Variants in NCALD observed in about 807,000 individuals in gnomAD.
The protein encoded by NCALD is neurocalcin-delta.
In NCALD, 10 loss-of-function variants were observed where a neutral mutation model predicts 18.6. The ratio of observed to expected loss-of-function variants is 0.54; its 90% confidence interval spans 0.33 to 0.91. NCALD has a LOEUF of 0.91. NCALD is among the 40% of genes least tolerant of loss of function. NCALD has a pLI of 0.03. For synonymous variants in NCALD, 88 were observed against 87.4 expected (o/e 1.01, Z -0.04); for missense variants, 184 against 247.6 (o/e 0.74, Z 1.72).
chr8:101,735,964 A>G (rs949470030), intron 1 of NCALD, among the ~76,000 whole-genome samples: 2 of 152,122 alleles, frequency 1.3e-5, no homozygotes, highest in Non-Finnish European at 2.9e-5. Flanking sequence ...TTGATGCTTG[A>G]CTGCTCACAG....
intron 2 of NCALD, among the ~76,000 whole-genome samples, chr8:101,998,213 G>A (rs1821310616): frequency 6.6e-6 from 1 of 152,146 alleles, no homozygotes; most frequent in Non-Finnish European, 1.5e-5. Context: ...GGAATAGCAA[G>A]TCATTTTAAA....
chr8:101,965,979 T>C (rs1290786773), intron 2 of NCALD, among the ~76,000 whole-genome samples: 1 of 152,158 alleles, frequency 6.6e-6, no homozygotes, highest in Admixed American at 6.5e-5. Context: ...ATAAAAGCTT[T>C]TGTATGTTAA....
intron 3 of NCALD, chr8:101,690,784 G>C: frequency 1.0e-6 from 1 of 985,408 alleles, no homozygotes; most frequent in African/African-American, 1.7e-5. Flanking sequence ...TGCCCACATA[G>C]TAGTTACAAT....
intron 1 of NCALD, among the ~76,000 whole-genome samples, chr8:102,022,072 G>C (rs911909005): frequency 6.6e-6 from 1 of 152,284 alleles, no homozygotes; most frequent in East Asian, 1.9e-4. Flanking sequence ...ACTATTTACA[G>C]GGCGTGAACA....
intron 1 of NCALD, among the ~76,000 whole-genome samples, chr8:102,033,306 A>T (rs1270935786): frequency 2.0e-5 from 3 of 152,168 alleles, no homozygotes; most frequent in Non-Finnish European, 2.9e-5. Context: ...TAACTGAGAG[A>T]TAACCTCTTG....
At chr8:102,032,087 T>C (rs548771078) in intron 1 of NCALD, among the ~76,000 whole-genome samples, 1 of 152,298 alleles carries the variant, frequency 6.6e-6, no homozygotes, top group South Asian at 2.1e-4. Flanking sequence ...GATGACCATA[T>C]GAGCTGAGCT....
chr8:101,792,438 A>AT (rs560290243), upstream of NCALD, among the ~76,000 whole-genome samples: 66 of 152,304 alleles, frequency 4.3e-4, 1 homozygote, highest in Middle Eastern at 0.024. Flanking sequence ...TTAAAAAGTT[A>AT]TTTTCCTGAT....
At chr8:101,782,936 T>C (rs2130965700) in intron 1 of NCALD, among the ~76,000 whole-genome samples, 1 of 152,324 alleles carries the variant, frequency 6.6e-6, no homozygotes. Context: ...ACTAGACTGT[T>C]ACCTTTTCAA....
chr8:102,117,350 C>T (rs1460142616), intron 1 of NCALD, among the ~76,000 whole-genome samples: 1 of 152,148 alleles, frequency 6.6e-6, no homozygotes, highest in Non-Finnish European at 1.5e-5. Context: ...GAGTCTAATC[C>T]CTTTCCCTCA....
chr8:101,748,209 G>C (rs894937056), intron 1 of NCALD, among the ~76,000 whole-genome samples: 4 of 152,038 alleles, frequency 2.6e-5, no homozygotes, highest in African/African-American at 9.7e-5. Context: ...TGTCCCCATG[G>C]CTTATTAAAA....
intron 2 of NCALD, chr8:101,694,295 A>G (rs1353169065): frequency 6.6e-6 from 1 of 152,402 alleles, no homozygotes; most frequent in African/African-American, 2.4e-5. Flanking sequence ...AGTCGCCTCC[A>G]AATGGGAAAG....
intron 1 of NCALD, among the ~76,000 whole-genome samples, chr8:102,051,165 T>C (rs1823444839): frequency 6.6e-6 from 1 of 152,158 alleles, no homozygotes; most frequent in South Asian, 2.1e-4. Flanking sequence ...TTTGACCTGC[T>C]TGTAAATTTT....
intron 1 of NCALD, among the ~76,000 whole-genome samples, chr8:102,033,722 G>A (rs1285627628): frequency 6.6e-6 from 1 of 152,132 alleles, no homozygotes; most frequent in African/African-American, 2.4e-5. Flanking sequence ...TAAGAAAGAT[G>A]TCTGTAATCC....
chr8:101,758,728 A>G (rs1160136226), intron 1 of NCALD, among the ~76,000 whole-genome samples: 1 of 152,184 alleles, frequency 6.6e-6, no homozygotes, highest in Non-Finnish European at 1.5e-5. Context: ...TACAGATTAG[A>G]GTTCCCTCAC....
At chr8:102,015,115 CCTT>C (rs1370720032) in intron 2 of NCALD, among the ~76,000 whole-genome samples, 1 of 152,166 alleles carries the variant, frequency 6.6e-6, no homozygotes, top group East Asian at 1.9e-4. Flanking sequence ...CATCAGTAGT[CCTT>C]CTTTAAGATC....
chr8:102,120,398 G>A (rs778110099), intron 1 of NCALD, among the ~76,000 whole-genome samples: 6 of 152,196 alleles, frequency 3.9e-5, no homozygotes, highest in Admixed American at 1.3e-4. Flanking sequence ...CAATGCTGAC[G>A]AGCCAGAGTA....
intron 2 of NCALD, among the ~76,000 whole-genome samples, chr8:102,001,305 G>C (rs1291608389): frequency 6.6e-6 from 1 of 152,188 alleles, no homozygotes; most frequent in African/African-American, 2.4e-5. Context: ...ATGAAATGAA[G>C]TGAGAAGAGA....
At chr8:101,891,827 C>A (rs191026157) in intron 3 of NCALD, among the ~76,000 whole-genome samples, 2 of 152,338 alleles carry the variant, frequency 1.3e-5, no homozygotes, top group East Asian at 1.9e-4. Flanking sequence ...CGGAGCACCA[C>A]GAGATTATAT....
chr8:101,896,726 A>G (rs1817193543), intron 3 of NCALD, among the ~76,000 whole-genome samples: 1 of 141,626 alleles, frequency 7.1e-6, no homozygotes, highest in Non-Finnish European at 1.5e-5. Context: ...GACGCTTCTC[A>G]AAAGAAGACA....
Sources: allele counts gnomAD v4.1 joint callset (sites outside exome capture counted in the v4.1 genomes callset), GRCh38; gene constraint gnomAD v4.1.1; transcripts MANE v1.5; gene names NCBI Gene and HGNC (gene_info 2026-07-23, HGNC 2026-07-21).